The following GRIN2D variants were observed in gnomAD, a reference collection of about 807,000 sequenced individuals.
GRIN2D encodes glutamate receptor ionotropic, NMDA 2D.
A neutral mutation model predicts 103.2 loss-of-function variants in GRIN2D; 37 were observed. The ratio of observed to expected loss-of-function variants is 0.36; its 90% CI spans 0.28 to 0.47. The LOEUF (loss-of-function observed/expected upper bound fraction) is 0.47, where lower values mean the gene tolerates loss of function less well. GRIN2D is among the 20% of genes least tolerant of loss of function. The pLI, the probability that GRIN2D is intolerant of heterozygous loss-of-function variation, is 1.00. For missense variants in GRIN2D, 1,557 were observed against 1,910.6 expected, an observed-to-expected ratio of 0.81 and a Z score of 3.45; for synonymous variants, 845 against 885.6, an observed-to-expected ratio of 0.95 and a Z score of 0.81.
Position 48,444,242 on chromosome 19 carries a change from C to T in GRIN2D, c.*305C>T, listed in dbSNP as rs1328804719. Reference sequence around the variant, plus strand: ...TGGGGCGGGAGGTGGGGGGTTCACGCCACTCCCGCGTCCCACCTCCACGCC... The same window carrying T: ...TGGGGCGGGAGGTGGGGGGTTCACGTCACTCCCGCGTCCCACCTCCACGCC... On this transcript the variant is annotated 3_prime_UTR_variant, in exon 14 of 14. Coordinates refer to ENST00000263269, the MANE Select transcript of GRIN2D (RefSeq NM_000836.4). This position sits in a 1 kb window ranked among gnomAD's most constrained non-coding sequence, Gnocchi z 5.5. The T allele has an allele frequency of 7.7e-6, 2 of 260,688 alleles. No individual in the cohort carries two copies. The highest frequency in any genetic ancestry group is 1.5e-5 in the Non-Finnish European group (2 of 137,472). The allele number at this position is 260,688 out of a possible 1,614,324, so 16.1% of individuals were successfully genotyped here. A position where few individuals can be genotyped will look rare whatever the true frequency, so the allele number is the denominator to read the frequency against.
chr19:48,415,483 A>G (rs907587325), intron 7 of GRIN2D, among the ~76,000 whole-genome samples: 11 of 136,396 alleles, frequency 8.1e-5, no homozygotes, highest in Admixed American at 6.6e-4. Flanking sequence ...ATGCCTTGGA[A>G]CAGGGGGCGG....
At chr19:48,410,336 T>C (rs547720817) in intron 4 of GRIN2D, among the ~76,000 whole-genome samples, 1 of 150,726 alleles carries the variant, frequency 6.6e-6, no homozygotes, top group African/African-American at 2.4e-5. Context: ...GAGACCATCC[T>C]GGCCGACACA....
chr19:48,443,964 C>T lies in GRIN2D; in HGVS notation c.*27C>T, dbSNP rs1028518326. 5 of 1,361,770 alleles carry T rather than the reference C, an allele frequency of 3.7e-6. No individual in the cohort carries two copies. The highest frequency in any genetic ancestry group is 4.7e-6 in the Non-Finnish European group (5 of 1,053,586). The allele number at this position is 1,361,770 out of a possible 1,614,324, so 84.4% of individuals were successfully genotyped here. On this transcript the variant is annotated 3_prime_UTR_variant, in exon 14 of 14. Coordinates refer to ENST00000263269, the MANE Select transcript of GRIN2D (RefSeq NM_000836.4). This position sits in a 1 kb window ranked among gnomAD's most constrained non-coding sequence, Gnocchi z 8.9. ...GCGGCCCCGGGGGCCCCACCGCCCC[C>T]TTGGTCAGCGCAGGCCACGGCCCGA...
At chr19:48,404,029 CAGG>C (rs1237264132) in intron 3 of GRIN2D, among the ~76,000 whole-genome samples, 1 of 152,182 alleles carries the variant, frequency 6.6e-6, no homozygotes, top group Admixed American at 6.5e-5. Context: ...CATCTGAGGT[CAGG>C]AGTTCAAGAC....
intron 11 of GRIN2D, among the ~76,000 whole-genome samples, chr19:48,437,346 C>G (rs910269859): frequency 3.9e-5 from 6 of 152,294 alleles, no homozygotes; most frequent in East Asian, 1.9e-4. Context: ...TCTCGAACTC[C>G]TGGACCCAAG....
chr19:48,399,348 T>C (rs534811803), intron 3 of GRIN2D, among the ~76,000 whole-genome samples: 3 of 152,230 alleles, frequency 2.0e-5, no homozygotes, highest in South Asian at 2.1e-4. Context: ...GGCGGATCAC[T>C]TGAGGTCACA....
At chr19:48,409,053 C>T (rs1016204760) in intron 4 of GRIN2D, among the ~76,000 whole-genome samples, 2 of 151,864 alleles carry the variant, frequency 1.3e-5, no homozygotes, top group African/African-American at 4.8e-5. Flanking sequence ...ATCAAGATGT[C>T]ACCGTCTGAT....
At chr19:48,406,036 T>C (rs933659581) in intron 4 of GRIN2D, among the ~76,000 whole-genome samples, 1 of 152,192 alleles carries the variant, frequency 6.6e-6, no homozygotes, top group Non-Finnish European at 1.5e-5. Flanking sequence ...CGTAGTCATA[T>C]GGTCAGGGCT....
At chr19:48,430,828 T>C (rs1413609054) in intron 11 of GRIN2D, among the ~76,000 whole-genome samples, 1 of 150,250 alleles carries the variant, frequency 6.7e-6, no homozygotes, top group Non-Finnish European at 1.5e-5. Flanking sequence ...TTTCTTTTTT[T>C]TTTTTTTTTG....
Position 48,394,275 on chromosome 19 carries a change from T to A in GRIN2D, c.-305-383T>A, listed in dbSNP as rs985269520. Among the ~76,000 whole-genome samples, 1 of 150,704 alleles carries A rather than the reference T, an allele frequency of 6.6e-6. No individual in the cohort carries two copies. Among genetic ancestry groups the A allele is most frequent in the African/African-American group, 2.4e-5 (1 of 40,884 alleles). On this transcript the variant is annotated intron_variant, in intron 1 of 13. Coordinates refer to ENST00000263269, the MANE Select transcript of GRIN2D (RefSeq NM_000836.4). This position sits in a 1 kb window ranked among gnomAD's most constrained non-coding sequence, Gnocchi z 5.1. ...GTGAGATCGTGCGTGTGTGCGTGAGTGTATGTGTGTTTCTGCCTGTGTTTG... is the reference window on the plus strand; with the variant it reads ...GTGAGATCGTGCGTGTGTGCGTGAGAGTATGTGTGTTTCTGCCTGTGTTTG...
In GRIN2D at chr19:48,404,772, C is replaced by G. The variant is rs762242145; in HGVS notation, c.504C>G (p.Thr168=). Residue 168 remains threonine, a synonymous_variant, in exon 4 of 14, where the codon ACC becomes ACG. Coordinates refer to ENST00000263269, the MANE Select transcript of GRIN2D (RefSeq NM_000836.4). ...GSTFLQLGSS[T]EQQLQVIFEV... ...CCTTCCTGCAGCTGGGCTCTTCCAC[C>G]GAGCAACAGCTTCAGGTCATCTTTG... The G allele has an allele frequency of 1.9e-6, 3 of 1,611,866 alleles. No homozygotes were observed. The highest frequency in any genetic ancestry group is 2.2e-5 in the East Asian group (1 of 44,866).
At chr19:48,402,182 CAG>C (rs1479908417) in intron 3 of GRIN2D, among the ~76,000 whole-genome samples, 2 of 140,992 alleles carry the variant, frequency 1.4e-5, no homozygotes, top group Admixed American at 7.1e-5. Context: ...GAAAAGAAAA[CAG>C]AGATGGGTGG....
At chr19:48,416,276 A>G in intron 8 of GRIN2D, 121 bp downstream of exon 8, 1 of 742,756 alleles carries the variant, frequency 1.3e-6, no homozygotes. Context: ...CCCGCTGTGC[A>G]ACTTCGGTGA....
Position 48,414,174 on chromosome 19 carries a change from C to A in GRIN2D, c.1200+69C>A. On this transcript the variant is annotated intron_variant, in intron 5 of 13. Transcript: ENST00000263269. This position sits in a 1 kb window ranked among gnomAD's most constrained non-coding sequence, Gnocchi z 4.6. ...CTCCTGCATCCTGGCAGAGGGGGGG[C>A]TTGAGGTCGTGGACTAAGAGGGAGG... The A allele has an allele frequency of 9.6e-7, 1 of 1,042,876 alleles. No homozygotes were observed. Among genetic ancestry groups the A allele is most frequent in the Non-Finnish European group, 1.5e-6 (1 of 673,814 alleles). The allele number at this position is 1,042,876 out of a possible 1,614,324, so 64.6% of individuals were successfully genotyped here. A position where few individuals can be genotyped will look rare whatever the true frequency, so the allele number is the denominator to read the frequency against.
intron 3 of GRIN2D, among the ~76,000 whole-genome samples, chr19:48,401,941 A>T (rs1970714706): frequency 6.6e-6 from 1 of 152,116 alleles, no homozygotes; most frequent in Admixed American, 6.5e-5. Flanking sequence ...CTCTACTAAA[A>T]ATACAAAAAT....
chr19:48,415,002 C>G lies in GRIN2D; in HGVS notation c.1551C>G (p.Ile517Met). 2 of 1,603,820 alleles carry G rather than the reference C, an allele frequency of 1.2e-6. No homozygotes were observed. The highest frequency in any genetic ancestry group is 1.7e-6 in the Non-Finnish European group (2 of 1,172,922). The change falls in exon 7 of 14, where the codon ATC becomes ATG. Residue 517 changes from isoleucine to methionine, a missense_variant. Physicochemically the swap from Ile to Met is conservative, Grantham distance 10. This residue lies in a region of GRIN2D where 197 missense variants were observed against 334.1 expected (regional missense o/e 0.59). Coordinates refer to ENST00000263269, the MANE Select transcript of GRIN2D (RefSeq NM_000836.4). The part of the protein sequence containing the change: ...LVTNGKHGKK[I>M]DGVWNGMIGE... ...CCAATGGCAAGCACGGAAAGAAGAT[C>G]GATGGCGTCTGGAACGGCATGATCG...
chr19:48,398,348 T>C lies in GRIN2D; in HGVS notation c.-26-19T>C. The C allele has an allele frequency of 1.9e-6, 2 of 1,049,784 alleles. No homozygotes were observed. The highest frequency in any genetic ancestry group is 1.2e-6 in the Non-Finnish European group (1 of 863,674). The allele number at this position is 1,049,784 out of a possible 1,614,324, so 65.0% of individuals were successfully genotyped here. On this transcript the variant is annotated intron_variant, in intron 2 of 13. Coordinates refer to ENST00000263269, the MANE Select transcript of GRIN2D (RefSeq NM_000836.4). Reference sequence around the variant, plus strand: ...TGTGCCTCCCTCTCCTCCCCGTCTCTCCCGGCCCGGGCGCTCAGAGGCCGC... The same window carrying C: ...TGTGCCTCCCTCTCCTCCCCGTCTCCCCCGGCCCGGGCGCTCAGAGGCCGC...
At chr19:48,402,736 A>AG (rs1970732529) in intron 3 of GRIN2D, among the ~76,000 whole-genome samples, 1 of 147,198 alleles carries the variant, frequency 6.8e-6, no homozygotes, top group East Asian at 2.0e-4. Flanking sequence ...AAAAAAAAAA[A>AG]AAAAAAAAAA....
At chr19:48,406,001 A>C (rs1171715713) in intron 4 of GRIN2D, among the ~76,000 whole-genome samples, 4 of 152,188 alleles carry the variant, frequency 2.6e-5, no homozygotes. Context: ...CAGAAAGGAC[A>C]CGCCTCATAC....
Sources: allele counts gnomAD v4.1 joint callset (sites outside exome capture counted in the v4.1 genomes callset), GRCh38; gene constraint gnomAD v4.1.1; regional missense constraint gnomAD v4.1.1; non-coding constraint Gnocchi (gnomAD v3.1); transcripts MANE v1.5; gene names NCBI Gene and HGNC (gene_info 2026-07-23, HGNC 2026-07-21).